Variants in RNF24 observed in about 807,000 individuals in gnomAD.
The protein encoded by RNF24 is ring finger protein 24.
A neutral mutation model predicts 20.0 loss-of-function variants in RNF24; 14 were observed. The ratio of observed to expected loss-of-function variants is 0.70; its 90% CI spans 0.46 to 1.10. The LOEUF (loss-of-function observed/expected upper bound fraction) is 1.10, where lower values mean the gene tolerates loss of function less well. Ranked by LOEUF, RNF24 falls within the 50% of genes least tolerant of loss-of-function variation. RNF24 has a pLI of 0.00. For synonymous variants in RNF24, 45 were observed against 61.1 expected (o/e 0.74, Z 1.23); for missense variants, 124 against 177.6 (o/e 0.70, Z 1.71).
rs1216484685 is a variant in RNF24, at chr20:3,927,311, T to A, written c.*6752A>T. ...GTTCAAAGGCATATGCACAACACTA[T>A]TTTTCAAAATTTGCTTTTATTTACA... is the stretch of plus-strand genomic sequence containing the variant. On this transcript the variant is annotated 3_prime_UTR_variant, in exon 6 of 6. Coordinates refer to ENST00000358395, the MANE Select transcript of RNF24 (RefSeq NM_001134337.3). The A allele has an allele frequency of 6.6e-6, 1 of 152,216 alleles. No individual in the cohort carries two copies. The highest frequency in any genetic ancestry group is 2.4e-5 in the African/African-American group (1 of 41,460). 9.4% of individuals were successfully genotyped at this position (152,216 alleles called of 1,614,324 possible). A position where few individuals can be genotyped will look rare whatever the true frequency, so the allele number is the denominator to read the frequency against.
Position 3,944,209 on chromosome 20 carries a change from C to CAAA in RNF24, c.228+965_228+967dup, listed in dbSNP as rs58334745. Among the ~76,000 whole-genome samples, 660 of 109,784 alleles carry CAAA rather than the reference C, an allele frequency of 6.0e-3. 6 individuals carry two copies. The highest frequency in any genetic ancestry group is 0.019 in the African/African-American group (618 of 33,078). 72.0% of individuals were successfully genotyped at this position (109,784 alleles called of 152,430 possible). On this transcript the variant is annotated intron_variant, in intron 4 of 5. Coordinates refer to ENST00000358395, the MANE Select transcript of RNF24 (RefSeq NM_001134337.3). ...TGGATGACAGAGTAAGACCCCGTCT[C>CAAA]AAAAAAAAAAAAAAAAAAAAATCAA...
chr20:3,950,552 CTTGTT>C (rs887178704), intron 2 of RNF24, among the ~76,000 whole-genome samples: 5 of 152,218 alleles, frequency 3.3e-5, no homozygotes, highest in African/African-American at 1.2e-4. Context: ...TTACATTGCT[CTTGTT>C]TTAAGTTACC....
At chr20:3,983,576 A>G (rs955205613) in intron 1 of RNF24, among the ~76,000 whole-genome samples, 2 of 152,186 alleles carry the variant, frequency 1.3e-5, no homozygotes, top group Non-Finnish European at 2.9e-5. Context: ...TGCAAAATAT[A>G]CACTAAGACA....
Position 3,929,151 on chromosome 20 carries a change from G to C in RNF24, c.*4912C>G, listed in dbSNP as rs188131532. ...ATTACAGGCGTGAGCCATCGCGCCC[G>C]ACCAGAAGCATTTTCTTTTCAAAGT... On this transcript the variant is annotated 3_prime_UTR_variant, in exon 6 of 6. Transcript: ENST00000358395. 6.6e-6 allele frequency: 1 copy of C among 152,248 alleles called. No homozygotes were observed. Among genetic ancestry groups the C allele is most frequent in the Non-Finnish European group, 1.5e-5 (1 of 68,116 alleles). The allele number at this position is 152,248 out of a possible 1,614,324, so 9.4% of individuals were successfully genotyped here. A position where few individuals can be genotyped will look rare whatever the true frequency, so the allele number is the denominator to read the frequency against.
chr20:4,014,476 A>G (rs1034796562), intron 1 of RNF24, among the ~76,000 whole-genome samples: 3 of 152,202 alleles, frequency 2.0e-5, no homozygotes, highest in Non-Finnish European at 4.4e-5. Flanking sequence ...GAGTATTCCT[A>G]TGTAGACAGA....
In RNF24 at chr20:3,933,774, GGAGA is replaced by G; in HGVS notation, c.*285_*288del. On this transcript the variant is annotated 3_prime_UTR_variant, in exon 6 of 6. Transcript: ENST00000358395. Reference sequence around the variant, plus strand: ...TGCTTGACATGGAGATGAGGCTCCAGGAGAGAGAGTGTAATGGAGTTAGTAAGAG... The same window carrying G: ...TGCTTGACATGGAGATGAGGCTCCAGGAGAGTGTAATGGAGTTAGTAAGAG... 1 of 242,222 alleles carries G rather than the reference GGAGA, an allele frequency of 4.1e-6. No homozygotes were observed. 15.0% of individuals were successfully genotyped at this position (242,222 alleles called of 1,614,324 possible).
intron 3 of RNF24, among the ~76,000 whole-genome samples, chr20:3,946,935 G>T (rs1216225648): frequency 6.6e-6 from 1 of 152,132 alleles, no homozygotes; most frequent in Non-Finnish European, 1.5e-5. Flanking sequence ...GCTCACACCT[G>T]TAATCCTGGC....
intron 2 of RNF24, among the ~76,000 whole-genome samples, chr20:3,958,667 G>T (rs1484621482): frequency 6.6e-6 from 1 of 152,162 alleles, no homozygotes; most frequent in Non-Finnish European, 1.5e-5. Flanking sequence ...TTTTGAGATG[G>T]AGTCTGCTCT....
intron 1 of RNF24, among the ~76,000 whole-genome samples, chr20:3,989,365 C>G (rs561655221): frequency 2.0e-5 from 3 of 152,052 alleles, no homozygotes; most frequent in African/African-American, 4.8e-5. Flanking sequence ...GTGGCGGGCG[C>G]CTGTAGTCCC....
intron 4 of RNF24, among the ~76,000 whole-genome samples, chr20:3,938,138 A>G (rs1380036082): frequency 6.6e-6 from 1 of 152,156 alleles, no homozygotes; most frequent in East Asian, 1.9e-4. Flanking sequence ...CTTTTTTACT[A>G]TAGTTATCAT....
intron 4 of RNF24, among the ~76,000 whole-genome samples, chr20:3,942,809 A>G (rs935689004): frequency 1.1e-4 from 17 of 148,052 alleles, no homozygotes; most frequent in Non-Finnish European, 2.1e-4. Context: ...TTTACCTGGG[A>G]TGAAGACAGT....
At position 3,934,091 on chromosome 20, in the gene RNF24, G is replaced by T. The variant is rs752348323; in HGVS notation, c.419C>A (p.Pro140His). 3.3e-6 allele frequency: 5 copies of T among 1,514,906 alleles called. No individual in the cohort carries two copies. The African/African-American group carries it at 7.2e-5, about 22-fold the overall frequency. 93.8% of individuals were successfully genotyped at this position (1,514,906 alleles called of 1,614,324 possible). ...SKQDRGPPQG[P>H]LPGAENIV ...TACAATGTTCTCTGCCCCAGGAAGG[G>T]GCCCCTGAGGGGGTCCACGGTCCTG... Residue 140 changes from proline to histidine, a missense_variant, in exon 6 of 6, where the codon CCC becomes CAC. Pro to His is a moderately conservative substitution (Grantham distance 77). Coordinates refer to ENST00000358395, the MANE Select transcript of RNF24 (RefSeq NM_001134337.3). This position sits in a 1 kb window ranked among gnomAD's most constrained non-coding sequence, Gnocchi z 4.0.
At chr20:3,974,541 A>C (rs1336315366) in intron 1 of RNF24, 1 of 761,754 alleles carries the variant, frequency 1.3e-6, no homozygotes, top group African/African-American at 1.8e-5. Flanking sequence ...TAAAACTAAT[A>C]AATGAGTTCA....
At chr20:4,004,342 T>C (rs1981669169) in intron 1 of RNF24, among the ~76,000 whole-genome samples, 1 of 152,196 alleles carries the variant, frequency 6.6e-6, no homozygotes, top group Admixed American at 6.5e-5. Flanking sequence ...AATACTTGTC[T>C]AATCTCGGAT....
chr20:3,937,697 G>A (rs1280786931), intron 4 of RNF24, among the ~76,000 whole-genome samples: 2 of 152,014 alleles, frequency 1.3e-5, no homozygotes, highest in Non-Finnish European at 2.9e-5. Flanking sequence ...CATATAAATG[G>A]AACCATACAA....
At chr20:4,015,405 C>G (rs1284674349) in intron 1 of RNF24, 32 bp downstream of exon 1, 2 of 151,758 alleles carry the variant, frequency 1.3e-5, no homozygotes, top group African/African-American at 4.8e-5. Flanking sequence ...GGGCGGCGGC[C>G]GCGGCGCTCC....
intron 1 of RNF24, among the ~76,000 whole-genome samples, chr20:4,008,494 T>C (rs1165582632): frequency 1.2e-5 from 1 of 82,960 alleles, no homozygotes; most frequent in Non-Finnish European, 2.3e-5. Context: ...TATAATATAA[T>C]ATATATATTA....
In RNF24 at chr20:3,928,235, G is replaced by T. The variant is rs1237385595; in HGVS notation, c.*5828C>A. The T allele has an allele frequency of 2.6e-5, 4 of 152,244 alleles. No homozygotes were observed. Among genetic ancestry groups the T allele is most frequent in the African/African-American group, 9.7e-5 (4 of 41,450 alleles). 9.4% of individuals were successfully genotyped at this position (152,244 alleles called of 1,614,324 possible). The stretch of plus-strand genomic sequence containing the variant: ...CTACAAATGCCAGAAGAGTGGATGT[G>T]ATAGAGAATTTTTTCTCAAGTTTTG... On this transcript the variant is annotated 3_prime_UTR_variant, in exon 6 of 6. Transcript: ENST00000358395.
At chr20:3,946,137 G>C (rs2091013413) in intron 3 of RNF24, among the ~76,000 whole-genome samples, 1 of 152,122 alleles carries the variant, frequency 6.6e-6, no homozygotes, top group Non-Finnish European at 1.5e-5. Flanking sequence ...TTACTTTCTA[G>C]TTAGCCTACA....
Sources: gnomAD v4.1 joint callset for allele counts (sites outside exome capture counted in the v4.1 genomes callset) on GRCh38, gnomAD v4.1.1 for gene constraint, Gnocchi (gnomAD v3.1) non-coding constraint, MANE v1.5 for transcripts, NCBI Gene and HGNC (gene_info 2026-07-23, HGNC 2026-07-21) for gene names.